The following AGBL1 variants were observed in gnomAD, a reference collection of about 807,000 sequenced individuals.
AGBL1 encodes AGBL carboxypeptidase 1.
Under a neutral mutation model 118.9 loss-of-function variants are expected in AGBL1, and 130 were observed. The ratio of observed to expected loss-of-function variants is 1.09; its 90% CI spans 0.95 to 1.26. The LOEUF (loss-of-function observed/expected upper bound fraction) is 1.26, where lower values mean the gene tolerates loss of function less well. Among genes scored for constraint, AGBL1 ranks in the 50% most tolerant of loss-of-function variants. The probability of loss-of-function intolerance (pLI) is 0.00; values close to 1 mark genes in which losing one functional copy is unlikely to be tolerated. For synonymous variants in AGBL1, 555 were observed against 478.9 expected, an observed-to-expected ratio of 1.16 and a Z score of -2.08; for missense variants, 1,584 against 1,298.1, an observed-to-expected ratio of 1.22 and a Z score of -3.38.
chr15:86,572,001 A>G (rs2084016200), intron 21 of AGBL1, among the ~76,000 whole-genome samples: 1 of 152,188 alleles, frequency 6.6e-6, no homozygotes. Context: ...TTGTTGGTGC[A>G]CAAAGTCCTG....
At chr15:86,812,393 C>T (rs2078801801) in intron 22 of AGBL1, among the ~76,000 whole-genome samples, 2 of 152,148 alleles carry the variant, frequency 1.3e-5, no homozygotes, top group African/African-American at 4.8e-5. Flanking sequence ...CAACTTGCTT[C>T]CTTAAAATGA....
chr15:86,440,524 A>G (rs891477113), intron 18 of AGBL1, among the ~76,000 whole-genome samples: 18 of 151,518 alleles, frequency 1.2e-4, no homozygotes, highest in African/African-American at 4.4e-4. Flanking sequence ...CAGTTAATGG[A>G]AGTTAACCAG....
intron 21 of AGBL1, among the ~76,000 whole-genome samples, chr15:86,586,221 T>C (rs780141174): frequency 6.6e-6 from 1 of 152,220 alleles, no homozygotes; most frequent in Non-Finnish European, 1.5e-5. Context: ...TAGCCTGTAA[T>C]TCTAAGTTAT....
chr15:86,566,717 A>G (rs919999700), intron 21 of AGBL1, among the ~76,000 whole-genome samples: 5 of 151,984 alleles, frequency 3.3e-5, no homozygotes, highest in African/African-American at 1.2e-4. Flanking sequence ...GGATACAGAC[A>G]CACACACACA....
At position 86,127,734 on chromosome 15, in the gene AGBL1, A is replaced by G. The variant is rs1261331542; in HGVS notation, c.52-14270A>G. 5.3e-5 allele frequency among the ~76,000 whole-genome samples: 8 copies of G among 152,326 alleles called. 1 individual carries two copies. Among genetic ancestry groups the G allele is most frequent in the Middle Eastern group, 6.8e-3 (2 of 294 alleles). ...TGTGTGAACATGTGACTGAGTTTTG[A>G]TAAATGAGATGGGGTTGGAAATGAC... On this transcript the variant is annotated intron_variant, in intron 1 of 22. Coordinates refer to ENST00000614907, the MANE Select transcript of AGBL1 (RefSeq NM_001386094.1).
At chr15:86,542,533 A>G (rs2083518522) in intron 19 of AGBL1, among the ~76,000 whole-genome samples, 1 of 151,748 alleles carries the variant, frequency 6.6e-6, no homozygotes, top group Non-Finnish European at 1.5e-5. Flanking sequence ...TGCCTGGCCA[A>G]TTTTTTGTAT....
intron 5 of AGBL1, among the ~76,000 whole-genome samples, chr15:86,211,684 A>G (rs2078101222): frequency 6.6e-6 from 1 of 152,316 alleles, no homozygotes; most frequent in Admixed American, 6.5e-5. Context: ...CCATTTGCTA[A>G]GAACATTGGA....
intron 21 of AGBL1, among the ~76,000 whole-genome samples, chr15:86,602,999 A>T (rs78540379): frequency 6.6e-6 from 1 of 152,084 alleles, no homozygotes; most frequent in Admixed American, 6.6e-5. Context: ...TTGACTTGCA[A>T]TTGTAGATGA....
intron 17 of AGBL1, among the ~76,000 whole-genome samples, chr15:86,338,158 C>G (rs983627369): frequency 1.3e-5 from 2 of 152,108 alleles, no homozygotes; most frequent in Admixed American, 1.3e-4. Context: ...GAGAAAAGGT[C>G]AGGAAGTCTC....
chr15:86,536,054 A>G (rs889421806), intron 19 of AGBL1, among the ~76,000 whole-genome samples: 1 of 152,160 alleles, frequency 6.6e-6, no homozygotes, highest in Non-Finnish European at 1.5e-5. Flanking sequence ...AATTAAAAAT[A>G]TTTCAGTTTG....
rs755757114 is a variant in AGBL1, at chr15:86,287,947, A to AT, written c.2221-7307dup. Among the ~76,000 whole-genome samples the AT allele has an allele frequency of 8.5e-3, 1,292 of 152,322 alleles. 5 individuals are homozygous for AT. Among genetic ancestry groups the AT allele is most frequent in the Non-Finnish European group, 0.013 (882 of 68,004 alleles). Reference sequence around the variant, plus strand: ...ATTGAAATATTAAAGAATCTGAAGAATCCTGCATCCACAGAAATATTTTCA... The same window carrying AT: ...ATTGAAATATTAAAGAATCTGAAGAATTCCTGCATCCACAGAAATATTTTCA... On this transcript the variant is annotated intron_variant, in intron 16 of 22. Transcript: ENST00000614907.
Position 86,365,005 on chromosome 15 carries a change from A to ATG in AGBL1, c.2375-32360_2375-32359insGT, listed in dbSNP as rs1325305972. Among the ~76,000 whole-genome samples, 10 of 137,470 alleles carry ATG rather than the reference A, an allele frequency of 7.3e-5. No individual in the cohort carries two copies. In the South Asian group the frequency reaches 1.6e-3, roughly 22 times the overall value. The allele number at this position is 137,470 out of a possible 152,430, so 90.2% of individuals were successfully genotyped here. A position where few individuals can be genotyped will look rare whatever the true frequency, so the allele number is the denominator to read the frequency against. ...TATATATATACACACACACATATAT[A>ATG]TATACACACACATATATATATACAC... is the stretch of plus-strand genomic sequence containing the variant. On this transcript the variant is annotated intron_variant, in intron 17 of 22. Transcript: ENST00000614907.
chr15:86,772,094 G>A (rs2078190538), intron 22 of AGBL1, among the ~76,000 whole-genome samples: 1 of 152,034 alleles, frequency 6.6e-6, no homozygotes, highest in Admixed American at 6.6e-5. Context: ...GGAGGTCACT[G>A]TAGTGGTCTC....
intron 21 of AGBL1, among the ~76,000 whole-genome samples, chr15:86,612,511 C>T (rs907424048): frequency 7.2e-5 from 11 of 151,928 alleles, no homozygotes; most frequent in Admixed American, 3.3e-4. Context: ...CAACAGTGAC[C>T]GGCATTAAAA....
chr15:86,603,739 C>A (rs1167702228), intron 21 of AGBL1, among the ~76,000 whole-genome samples: 2 of 152,156 alleles, frequency 1.3e-5, no homozygotes, highest in Non-Finnish European at 1.5e-5. Context: ...ATTACTTCTA[C>A]TGAAAGTGCC....
In AGBL1 at chr15:86,545,904, T is replaced by G. The variant is rs549338710; in HGVS notation, c.2686-98T>G. The G allele has an allele frequency of 1.6e-5, 23 of 1,419,404 alleles. No homozygotes were observed. The East Asian group carries it at 5.5e-4, about 34-fold the overall frequency. 87.9% of individuals were successfully genotyped at this position (1,419,404 alleles called of 1,614,324 possible). A position where few individuals can be genotyped will look rare whatever the true frequency, so the allele number is the denominator to read the frequency against. On this transcript the variant is annotated intron_variant, in intron 19 of 22. Transcript: ENST00000614907. ...CCGAGAAAGTTGACATTGTAAACTTTCTTTGAGCCATGGAACATGAGTAGA... is the reference window on the plus strand; with the variant it reads ...CCGAGAAAGTTGACATTGTAAACTTGCTTTGAGCCATGGAACATGAGTAGA...
chr15:86,467,760 C>T (rs116592088), intron 18 of AGBL1, among the ~76,000 whole-genome samples: 1,745 of 152,230 alleles, frequency 0.011, 38 homozygotes, highest in African/African-American at 0.039. Flanking sequence ...CTGGGTGAGG[C>T]GATGCCCCAA....
intron 3 of AGBL1, among the ~76,000 whole-genome samples, chr15:86,146,593 T>C (rs762208846): frequency 2.0e-5 from 3 of 152,190 alleles, no homozygotes; most frequent in African/African-American, 4.8e-5. Context: ...ACAGGTTTTA[T>C]AGGAGAAAGA....
At chr15:86,285,002 C>T (rs1204331022) in intron 16 of AGBL1, among the ~76,000 whole-genome samples, 1 of 152,064 alleles carries the variant, frequency 6.6e-6, no homozygotes, top group African/African-American at 2.4e-5. Flanking sequence ...TTCCACAGGG[C>T]TGTAATTACA....
Sources: gnomAD v4.1 joint callset for allele counts (sites outside exome capture counted in the v4.1 genomes callset) on GRCh38, gnomAD v4.1.1 for gene constraint, MANE v1.5 for transcripts, NCBI Gene and HGNC (gene_info 2026-07-23, HGNC 2026-07-21) for gene names.